CREBL2: variants seen among roughly 807,000 people sequenced by gnomAD.
CREBL2 encodes cAMP responsive element binding protein like 2, also known as cAMP-responsive element-binding protein-like 2.
In CREBL2, 4 loss-of-function variants were observed where a neutral mutation model predicts 19.5. The observed-to-expected ratio is 0.20, with a 90% CI of 0.10 to 0.47. The LOEUF is 0.47. Among genes scored for constraint, CREBL2 ranks in the 20% least tolerant of loss-of-function variants. The pLI, the probability that CREBL2 is intolerant of heterozygous loss-of-function variation, is 0.98. For missense variants in CREBL2, 85 were observed against 145.1 expected (o/e 0.59, Z 2.13); for synonymous variants, 42 against 46.6 (o/e 0.90, Z 0.40).
At chr12:12,616,977 A>G (rs1945316186) in intron 1 of CREBL2, among the ~76,000 whole-genome samples, 1 of 152,224 alleles carries the variant, frequency 6.6e-6, no homozygotes, top group Non-Finnish European at 1.5e-5. Context: ...CATGATGATG[A>G]TAATGTGAGG....
At chr12:12,638,415 C>T (rs756375379) in intron 3 of CREBL2, among the ~76,000 whole-genome samples, 3 of 151,766 alleles carry the variant, frequency 2.0e-5, no homozygotes, top group Non-Finnish European at 2.9e-5. Flanking sequence ...CCAGCCTGGG[C>T]GACAGAGTGA....
In CREBL2 at chr12:12,641,257, T is replaced by TATTA. The variant is rs200848465; in HGVS notation, c.359-737_359-736insATTA. On this transcript the variant is annotated intron_variant, in intron 3 of 3. Coordinates refer to ENST00000228865, the MANE Select transcript of CREBL2 (RefSeq NM_001310.4). ...ATTATTATTATTATTATTATTATTT[T>TATTA]TTTTTATTTTTTTTTTTTTTAGGTC... Among the ~76,000 whole-genome samples, 760 of 106,338 alleles carry TATTA rather than the reference T, an allele frequency of 7.1e-3. 13 individuals carry two copies. Among genetic ancestry groups the TATTA allele is most frequent in the African/African-American group, 0.018 (525 of 28,434 alleles). The allele number at this position is 106,338 out of a possible 152,430, so 69.8% of individuals were successfully genotyped here.
rs976828981 is a variant in CREBL2 at position 12,644,584 on chromosome 12, T to A, written c.*2586T>A. ...TGCTGTATATTAGAGCAACTGAATA[T>A]AATATGGAATAAGTTTGACCAGGTC... On this transcript the variant is annotated 3_prime_UTR_variant, in exon 4 of 4. Transcript: ENST00000228865. 7 of 152,676 alleles carry A rather than the reference T, an allele frequency of 4.6e-5. No individual in the cohort carries two copies. The highest frequency in any genetic ancestry group is 7.2e-5 in the African/African-American group (3 of 41,472). 9.5% of individuals were successfully genotyped at this position (152,676 alleles called of 1,614,324 possible). A position where few individuals can be genotyped will look rare whatever the true frequency, so the allele number is the denominator to read the frequency against.
At chr12:12,639,087 T>C (rs1945498483) in intron 3 of CREBL2, among the ~76,000 whole-genome samples, 1 of 152,196 alleles carries the variant, frequency 6.6e-6, no homozygotes, top group African/African-American at 2.4e-5. Flanking sequence ...ACTTTTTGGG[T>C]CTGGCTTCTG....
intron 1 of CREBL2, among the ~76,000 whole-genome samples, chr12:12,615,053 T>A (rs1013168854): frequency 6.6e-6 from 1 of 152,068 alleles, no homozygotes; most frequent in Non-Finnish European, 1.5e-5. Flanking sequence ...TCTTGCTCAG[T>A]CGCCCAGGCT....
chr12:12,620,366 T>G (rs1945350594), intron 1 of CREBL2, among the ~76,000 whole-genome samples: 1 of 152,102 alleles, frequency 6.6e-6, no homozygotes. Context: ...CTGGAATAGC[T>G]GGGATCACAG....
At position 12,627,388 on chromosome 12, in the gene CREBL2, C is replaced by A. The variant is rs148045941; in HGVS notation, c.16-8389C>A. 6.6e-5 allele frequency among the ~76,000 whole-genome samples: 10 copies of A among 152,244 alleles called. No homozygotes were observed. In the East Asian group the frequency reaches 1.9e-3, roughly 29 times the overall value. On this transcript the variant is annotated intron_variant, in intron 1 of 3. Transcript: ENST00000228865. ...AAAAGAAAAAAAGAAACTCTGAGGCCATTAACAGGCACTCCCCATTTTTTC... is the reference window on the plus strand; with the variant it reads ...AAAAGAAAAAAAGAAACTCTGAGGCAATTAACAGGCACTCCCCATTTTTTC...
At chr12:12,627,344 AT>A (rs1361244607) in intron 1 of CREBL2, among the ~76,000 whole-genome samples, 1 of 152,226 alleles carries the variant, frequency 6.6e-6, no homozygotes, top group African/African-American at 2.4e-5. Flanking sequence ...CTGTAAAAAA[AT>A]AAAGTCTATT....
At chr12:12,623,678 G>A (rs1258289478) in intron 1 of CREBL2, among the ~76,000 whole-genome samples, 1 of 152,178 alleles carries the variant, frequency 6.6e-6, no homozygotes, top group Non-Finnish European at 1.5e-5. Context: ...GGATGCAGTG[G>A]GCTGAATGGT....
intron 1 of CREBL2, among the ~76,000 whole-genome samples, chr12:12,620,185 T>TTA (rs925226354): frequency 2.6e-5 from 4 of 152,202 alleles, no homozygotes; most frequent in African/African-American, 9.6e-5. Context: ...ATGTTGTCTA[T>TTA]TAAACAAATC....
At chr12:12,628,626 T>A (rs1945420478) in intron 1 of CREBL2, among the ~76,000 whole-genome samples, 1 of 152,196 alleles carries the variant, frequency 6.6e-6, no homozygotes, top group South Asian at 2.1e-4. Context: ...TTTTTTTAAA[T>A]TTGAGACAGG....
chr12:12,641,904 TG>T, intron 3 of CREBL2, 89 bp from the exon 4 acceptor site: 2 of 827,296 alleles, frequency 2.4e-6, no homozygotes, highest in Non-Finnish European at 3.6e-6. Context: ...GATACTAAAC[TG>T]AAAAAAAAAA....
chr12:12,630,282 A>G (rs1227794571), intron 1 of CREBL2, among the ~76,000 whole-genome samples: 1 of 152,116 alleles, frequency 6.6e-6, no homozygotes, highest in African/African-American at 2.4e-5. Context: ...TGTTATTGCT[A>G]TAGATCTAAT....
chr12:12,634,001 A>AG (rs1945458023), intron 1 of CREBL2, among the ~76,000 whole-genome samples: 3 of 152,260 alleles, frequency 2.0e-5, no homozygotes, highest in Admixed American at 1.3e-4. Flanking sequence ...AGAAAGAGCT[A>AG]GACATCAGTC....
intron 1 of CREBL2, chr12:12,614,857 G>GTTT (rs34663387): frequency 3.0e-3 from 511 of 169,008 alleles, no homozygotes; most frequent in South Asian, 6.8e-3. Context: ...TAGGGCATTA[G>GTTT]TTTTTTTTTT....
intron 1 of CREBL2, among the ~76,000 whole-genome samples, chr12:12,613,170 G>T (rs897457618): frequency 1.3e-5 from 2 of 152,170 alleles, no homozygotes; most frequent in Non-Finnish European, 2.9e-5. Context: ...GCGCCTGGCC[G>T]CCTTTCTCTC....
At chr12:12,630,492 A>G (rs1945435415) in intron 1 of CREBL2, among the ~76,000 whole-genome samples, 1 of 151,884 alleles carries the variant, frequency 6.6e-6, no homozygotes, top group South Asian at 2.1e-4. Flanking sequence ...TCTTTCTCTA[A>G]TGGTCCGTCT....
intron 1 of CREBL2, among the ~76,000 whole-genome samples, chr12:12,628,107 C>G (rs1048363049): frequency 6.6e-6 from 1 of 152,114 alleles, no homozygotes; most frequent in Non-Finnish European, 1.5e-5. Context: ...GTCTTGATCT[C>G]TTGACATTAT....
intron 1 of CREBL2, among the ~76,000 whole-genome samples, chr12:12,632,064 C>CTTTTTTTTTTTT (rs1339084043): frequency 1.1e-5 from 1 of 91,938 alleles, no homozygotes; most frequent in African/African-American, 3.7e-5. Context: ...TATACTATGC[C>CTTTTTTTTTTTT]TTTCTTTTTT....
Sources: gnomAD v4.1 joint callset for allele counts (sites outside exome capture counted in the v4.1 genomes callset) on GRCh38, gnomAD v4.1.1 for gene constraint, MANE v1.5 for transcripts, NCBI Gene and HGNC (gene_info 2026-07-23, HGNC 2026-07-21) for gene names.